Variants in SGCZ observed in about 807,000 individuals in gnomAD.
SGCZ encodes zeta-sarcoglycan.
A neutral mutation model predicts 41.3 loss-of-function variants in SGCZ; 40 were observed. That is an observed-to-expected ratio of 0.97 (90% CI 0.75 to 1.26). The LOEUF is 1.26. SGCZ is among the 50% of genes most tolerant of loss of function. The probability of loss-of-function intolerance (pLI) is 0.00; values close to 1 mark genes in which losing one functional copy is unlikely to be tolerated. For missense variants in SGCZ, 552 were observed against 369.8 expected (o/e 1.49, Z -4.04); for synonymous variants, 206 against 137.5 (o/e 1.50, Z -3.49).
At chr8:15,203,556 C>A (rs1490175320) in intron 1 of SGCZ, among the ~76,000 whole-genome samples, 2 of 152,128 alleles carry the variant, frequency 1.3e-5, no homozygotes, top group African/African-American at 4.8e-5. Context: ...TACTTAAAAC[C>A]TAAATCGGTT....
chr8:15,104,939 G>T (rs1806764539), intron 1 of SGCZ, among the ~76,000 whole-genome samples: 1 of 152,124 alleles, frequency 6.6e-6, no homozygotes, highest in Non-Finnish European at 1.5e-5. Context: ...TGTTGTTGCT[G>T]TTTGTGCTGA....
chr8:14,183,322 T>G (rs1278060693), intron 4 of SGCZ, among the ~76,000 whole-genome samples: 1 of 151,846 alleles, frequency 6.6e-6, no homozygotes, highest in Non-Finnish European at 1.5e-5. Context: ...AGATTCTAGG[T>G]TTTCAGGAAG....
At position 14,747,879 on chromosome 8, in the gene SGCZ, A is replaced by ATTT. The variant is rs375144725; in HGVS notation, c.40-192956_40-192954dup. Among the ~76,000 whole-genome samples the ATTT allele has an allele frequency of 4.4e-4, 57 of 130,328 alleles. 1 individual carries two copies. Among genetic ancestry groups the ATTT allele is most frequent in the African/African-American group, 5.5e-4 (19 of 34,852 alleles). 85.5% of individuals were successfully genotyped at this position (130,328 alleles called of 152,430 possible). A position where few individuals can be genotyped will look rare whatever the true frequency, so the allele number is the denominator to read the frequency against. On this transcript the variant is annotated intron_variant, in intron 1 of 7. Transcript: ENST00000382080. The stretch of plus-strand genomic sequence containing the variant: ...AGGCACCCACCACCACAACTGACTA[A>ATTT]TTTTTTTTTTTTTTTTTTGTATTTT...
At chr8:15,166,069 A>T (rs1799655522) in intron 1 of SGCZ, among the ~76,000 whole-genome samples, 1 of 152,168 alleles carries the variant, frequency 6.6e-6, no homozygotes, top group Non-Finnish European at 1.5e-5. Flanking sequence ...AACCTCGAAC[A>T]TTTAATAGCC....
intron 1 of SGCZ, among the ~76,000 whole-genome samples, chr8:15,010,155 A>G (rs1310555543): frequency 6.6e-6 from 1 of 152,210 alleles, no homozygotes; most frequent in African/African-American, 2.4e-5. Flanking sequence ...TTAGCCTTGA[A>G]ATTCAATGTC....
Position 14,774,051 on chromosome 8 carries a change from G to A in SGCZ, c.40-219125C>T, listed in dbSNP as rs1267222606. On this transcript the variant is annotated intron_variant, in intron 1 of 7. Coordinates refer to ENST00000382080, the MANE Select transcript of SGCZ (RefSeq NM_139167.4). ...CAGATATGCAGTCAAGCATTATTCC[G>A]AGTGTTTTTGCACGGGTGTTTTTCG... Among the ~76,000 whole-genome samples, 4 of 152,128 alleles carry A rather than the reference G, an allele frequency of 2.6e-5. 1 individual carries two copies. Among genetic ancestry groups the A allele is most frequent in the African/African-American group, 4.8e-5 (2 of 41,438 alleles).
intron 1 of SGCZ, among the ~76,000 whole-genome samples, chr8:15,171,228 C>A (rs1799818810): frequency 6.6e-6 from 1 of 152,104 alleles, no homozygotes; most frequent in African/African-American, 2.4e-5. Flanking sequence ...GAATTATAAT[C>A]ATCATCGAAG....
At chr8:14,246,547 G>C (rs578193842) in intron 3 of SGCZ, among the ~76,000 whole-genome samples, 4 of 151,322 alleles carry the variant, frequency 2.6e-5, no homozygotes, top group African/African-American at 9.7e-5. Context: ...GTATACATAT[G>C]TAACTAACCT....
intron 1 of SGCZ, among the ~76,000 whole-genome samples, chr8:15,223,252 TA>T (rs1353804382): frequency 6.6e-6 from 1 of 152,142 alleles, no homozygotes; most frequent in Non-Finnish European, 1.5e-5. Context: ...AAGCACTATC[TA>T]AAATGGAAGA....
intron 1 of SGCZ, among the ~76,000 whole-genome samples, chr8:15,106,542 A>T (rs1014105783): frequency 6.6e-6 from 1 of 151,776 alleles, no homozygotes; most frequent in Admixed American, 6.6e-5. Flanking sequence ...TCCATCCATT[A>T]TACTTTACAT....
intron 2 of SGCZ, among the ~76,000 whole-genome samples, chr8:14,356,279 A>G (rs1242007354): frequency 1.3e-5 from 2 of 152,202 alleles, no homozygotes; most frequent in African/African-American, 4.8e-5. Context: ...TTATTGGAAC[A>G]AAACCCCGTC....
At chr8:14,272,425 A>C (rs1322439756) in intron 3 of SGCZ, among the ~76,000 whole-genome samples, 1 of 152,218 alleles carries the variant, frequency 6.6e-6, no homozygotes, top group Non-Finnish European at 1.5e-5. Flanking sequence ...TGTTCTGGTA[A>C]AAGTGTGGCT....
At chr8:14,888,497 T>C (rs1804893884) in intron 1 of SGCZ, among the ~76,000 whole-genome samples, 1 of 152,154 alleles carries the variant, frequency 6.6e-6, no homozygotes, top group East Asian at 1.9e-4. Flanking sequence ...AAAGTATACA[T>C]AATCGTATCA....
chr8:14,257,035 T>G (rs113439517), intron 3 of SGCZ, among the ~76,000 whole-genome samples: 1 of 152,110 alleles, frequency 6.6e-6, no homozygotes, highest in Non-Finnish European at 1.5e-5. Context: ...TTAAGCTAGA[T>G]TGAACAGGTT....
intron 2 of SGCZ, among the ~76,000 whole-genome samples, chr8:14,492,955 C>T (rs1801883239): frequency 6.6e-6 from 1 of 152,026 alleles, no homozygotes; most frequent in Admixed American, 6.6e-5. Flanking sequence ...TAATTTTTCT[C>T]TTTCTGTCTT....
intron 1 of SGCZ, among the ~76,000 whole-genome samples, chr8:14,700,696 T>C (rs918728830): frequency 6.6e-6 from 1 of 152,096 alleles, no homozygotes; most frequent in African/African-American, 2.4e-5. Context: ...AATATGTTCA[T>C]GTTCAAGCAA....
rs1278956762 is a variant in SGCZ, at chr8:14,088,244, G to T, written c.*2199C>A. Among the ~76,000 whole-genome samples, 1 of 151,720 alleles carries T rather than the reference G, an allele frequency of 6.6e-6. No homozygotes were observed. The highest frequency in any genetic ancestry group is 2.4e-5 in the African/African-American group (1 of 41,400). On this transcript the variant is annotated 3_prime_UTR_variant, in exon 8 of 8. Transcript: ENST00000382080. Reference sequence around the variant, plus strand: ...TATTCAATACTTTTGCTGTGAAGTTGAGTAAACTGAAGCCTGGAGAGATTC... The same window carrying T: ...TATTCAATACTTTTGCTGTGAAGTTTAGTAAACTGAAGCCTGGAGAGATTC...
At chr8:14,642,561 T>C (rs1371473228) in intron 1 of SGCZ, among the ~76,000 whole-genome samples, 2 of 151,506 alleles carry the variant, frequency 1.3e-5, no homozygotes, top group Non-Finnish European at 3.0e-5. Context: ...CTCAGTGAGA[T>C]GAAAATATTT....
chr8:15,086,930 T>G (rs1354843603), intron 1 of SGCZ, among the ~76,000 whole-genome samples: 2 of 152,148 alleles, frequency 1.3e-5, no homozygotes, highest in Non-Finnish European at 2.9e-5. Flanking sequence ...ATCCTTTTCA[T>G]TGACTATAGG....
Sources: allele counts gnomAD v4.1 joint callset (sites outside exome capture counted in the v4.1 genomes callset), GRCh38; gene constraint gnomAD v4.1.1; transcripts MANE v1.5; gene names NCBI Gene and HGNC (gene_info 2026-07-23, HGNC 2026-07-21).